The following CNTN5 variants were observed in gnomAD, a reference collection of about 807,000 sequenced individuals.
CNTN5 encodes contactin-5.
CNTN5 carries 77 observed loss-of-function variants against 129.1 expected under a neutral mutation model. The observed-to-expected ratio is 0.60, with a 90% CI of 0.50 to 0.72. The LOEUF (loss-of-function observed/expected upper bound fraction) is 0.72. Ranked by LOEUF, CNTN5 falls within the 30% of genes least tolerant of loss-of-function variation. The probability of loss-of-function intolerance (pLI) is 0.00; values close to 1 mark genes in which losing one functional copy is unlikely to be tolerated. For missense variants in CNTN5, 1,478 were observed against 1,328.8 expected (o/e 1.11, Z -1.75); for synonymous variants, 509 against 465.6 (o/e 1.09, Z -1.20).
chr11:100,120,729 T>C (rs1024403938), intron 13 of CNTN5, among the ~76,000 whole-genome samples: 3 of 151,956 alleles, frequency 2.0e-5, no homozygotes, highest in Non-Finnish European at 4.4e-5. Context: ...TTTTACACCA[T>C]TTTTGATAAA....
At chr11:99,663,541 G>A (rs1011587633) in intron 3 of CNTN5, among the ~76,000 whole-genome samples, 1 of 152,108 alleles carries the variant, frequency 6.6e-6, no homozygotes, top group Non-Finnish European at 1.5e-5. Flanking sequence ...TGGTTGATAT[G>A]GTTTGACTTT....
At chr11:99,545,265 A>T (rs1201787849) in intron 2 of CNTN5, among the ~76,000 whole-genome samples, 1 of 152,218 alleles carries the variant, frequency 6.6e-6, no homozygotes, top group Non-Finnish European at 1.5e-5. Flanking sequence ...TACAATTCCC[A>T]GTTTAACTAT....
Position 99,798,374 on chromosome 11 carries a change from T to A in CNTN5, c.56-21170T>A, listed in dbSNP as rs1591203011. On this transcript the variant is annotated intron_variant, in intron 3 of 24. Transcript: ENST00000524871. ...CAAGTCTACTGTCCAGAACAGTGTT[T>A]TCTTCTAGGATTCTTGTAATTTGGT... Among the ~76,000 whole-genome samples, 3 of 152,196 alleles carry A rather than the reference T, an allele frequency of 2.0e-5. No homozygotes were observed. The South Asian group carries it at 6.2e-4, about 32-fold the overall frequency.
intron 3 of CNTN5, among the ~76,000 whole-genome samples, chr11:99,616,715 A>G (rs10736562): frequency 0.14 from 20,937 of 152,244 alleles, 1,511 homozygotes; most frequent in East Asian, 0.27. Context: ...AAACTGATAT[A>G]GATGATGATA....
intron 4 of CNTN5, among the ~76,000 whole-genome samples, chr11:99,831,382 A>C (rs1469214476): frequency 2.0e-5 from 3 of 152,116 alleles, no homozygotes; most frequent in Admixed American, 1.3e-4. Context: ...AATGAGGCAA[A>C]ATTTCATAGC....
intron 8 of CNTN5, among the ~76,000 whole-genome samples, chr11:99,964,364 T>G (rs1951034292): frequency 6.6e-6 from 1 of 152,214 alleles, no homozygotes; most frequent in Non-Finnish European, 1.5e-5. Context: ...GTTTTTAGCA[T>G]GAAGATTGTT....
chr11:99,319,857 A>C (rs1865491470), intron 1 of CNTN5, among the ~76,000 whole-genome samples: 1 of 152,182 alleles, frequency 6.6e-6, no homozygotes, highest in African/African-American at 2.4e-5. Context: ...CATTCAAACA[A>C]GAGTGGGAGT....
intron 3 of CNTN5, among the ~76,000 whole-genome samples, chr11:99,737,169 GCACACA>G (rs890225493): frequency 6.6e-6 from 1 of 150,606 alleles, no homozygotes; most frequent in African/African-American, 2.4e-5. Context: ...ACACGCACAC[GCACACA>G]CAGTCTTTCA....
intron 13 of CNTN5, among the ~76,000 whole-genome samples, chr11:100,170,414 A>C (rs183064105): frequency 1.3e-5 from 2 of 152,102 alleles, no homozygotes; most frequent in East Asian, 3.9e-4. Context: ...TTATCCAAAC[A>C]ATACTATCAT....
At chr11:99,321,367 A>G (rs1865564690) in intron 1 of CNTN5, among the ~76,000 whole-genome samples, 1 of 149,710 alleles carries the variant, frequency 6.7e-6, no homozygotes. Context: ...TATAACATAT[A>G]TATATTCAGA....
chr11:100,142,192 G>A (rs771130534), intron 13 of CNTN5, among the ~76,000 whole-genome samples: 3 of 152,092 alleles, frequency 2.0e-5, no homozygotes, highest in Non-Finnish European at 4.4e-5. Flanking sequence ...GACTTGAACT[G>A]AGCCTCACTA....
chr11:99,733,767 G>A (rs1943611742), intron 3 of CNTN5, among the ~76,000 whole-genome samples: 1 of 152,104 alleles, frequency 6.6e-6, no homozygotes, highest in Non-Finnish European at 1.5e-5. Flanking sequence ...TACAAATTCT[G>A]GTTTATTATG....
intron 1 of CNTN5, among the ~76,000 whole-genome samples, chr11:99,224,840 A>C (rs1591380865): frequency 1.3e-5 from 2 of 150,840 alleles, no homozygotes; most frequent in East Asian, 3.9e-4. Context: ...AAACATAACA[A>C]CCCATCCCTT....
chr11:100,169,074 G>A (rs1947745250), intron 13 of CNTN5, among the ~76,000 whole-genome samples: 1 of 151,956 alleles, frequency 6.6e-6, no homozygotes, highest in Non-Finnish European at 1.5e-5. Flanking sequence ...GAAGGGATGA[G>A]GAGTTGTCCC....
chr11:99,510,747 C>T (rs1402768460), intron 2 of CNTN5, among the ~76,000 whole-genome samples: 2 of 152,140 alleles, frequency 1.3e-5, no homozygotes, highest in African/African-American at 4.8e-5. Context: ...CTGCCAGTTA[C>T]ATAATGATAA....
intron 3 of CNTN5, among the ~76,000 whole-genome samples, chr11:99,660,193 C>A (rs1228792205): frequency 2.6e-5 from 4 of 151,934 alleles, no homozygotes; most frequent in African/African-American, 9.7e-5. Context: ...TCAAAGAATT[C>A]TTGGATCTCA....
intron 13 of CNTN5, among the ~76,000 whole-genome samples, chr11:100,098,370 A>T (rs185217624): frequency 6.6e-6 from 1 of 152,122 alleles, no homozygotes; most frequent in Admixed American, 6.6e-5. Flanking sequence ...ATAACAAAAT[A>T]TGAATAATAT....
At chr11:99,038,928 T>G (rs1863871549) in intron 1 of CNTN5, among the ~76,000 whole-genome samples, 1 of 152,088 alleles carries the variant, frequency 6.6e-6, no homozygotes, top group Non-Finnish European at 1.5e-5. Context: ...CATCTGTAAT[T>G]GAAATAAATC....
intron 6 of CNTN5, among the ~76,000 whole-genome samples, chr11:99,860,929 A>G: frequency 7.0e-6 from 1 of 142,892 alleles, no homozygotes. Flanking sequence ...CTTCTATTCC[A>G]TTAACATGGA....
Sources: gnomAD v4.1 joint callset for allele counts (sites outside exome capture counted in the v4.1 genomes callset) on GRCh38, gnomAD v4.1.1 for gene constraint, MANE v1.5 for transcripts, NCBI Gene and HGNC (gene_info 2026-07-23, HGNC 2026-07-21) for gene names.